Variants in KCNIP1 observed in about 807,000 individuals in gnomAD.
KCNIP1 encodes potassium voltage-gated channel interacting protein 1.
Under a neutral mutation model 33.0 loss-of-function variants are expected in KCNIP1, and 18 were observed. The ratio of observed to expected loss-of-function variants is 0.55; its 90% CI spans 0.38 to 0.81. The LOEUF is 0.81. KCNIP1 is among the 30% of genes least tolerant of loss of function. The pLI is 0.00. For missense variants in KCNIP1, 238 were observed against 271.6 expected, an observed-to-expected ratio of 0.88 and a Z score of 0.87; for synonymous variants, 93 against 98.3, an observed-to-expected ratio of 0.95 and a Z score of 0.32.
intron 1 of KCNIP1, among the ~76,000 whole-genome samples, chr5:170,542,193 A>G (rs1483038651): frequency 1.3e-5 from 2 of 152,194 alleles, no homozygotes; most frequent in Admixed American, 6.5e-5. Context: ...CTAAGCACCT[A>G]CTATGTGGCA....
At chr5:170,435,353 A>G (rs577330022) in intron 1 of KCNIP1, among the ~76,000 whole-genome samples, 11 of 152,332 alleles carry the variant, frequency 7.2e-5, no homozygotes, top group African/African-American at 2.4e-4. Flanking sequence ...CTCTGTTAGC[A>G]TATTTCAGAG....
intron 3 of KCNIP1, among the ~76,000 whole-genome samples, chr5:170,721,579 CAT>C (rs1158825782): frequency 2.6e-5 from 4 of 152,154 alleles, no homozygotes; most frequent in Non-Finnish European, 5.9e-5. Context: ...CGACTCCATG[CAT>C]AGACAGGCAG....
intron 1 of KCNIP1, among the ~76,000 whole-genome samples, chr5:170,617,345 G>C (rs1759421361): frequency 1.3e-5 from 2 of 152,024 alleles, no homozygotes; most frequent in Non-Finnish European, 2.9e-5. Flanking sequence ...ATCTCTTTGA[G>C]CCGGCAGGTT....
At chr5:170,637,762 T>G (rs1760348107) in intron 1 of KCNIP1, among the ~76,000 whole-genome samples, 2 of 152,236 alleles carry the variant, frequency 1.3e-5, no homozygotes, top group Admixed American at 1.3e-4. Context: ...ACAGACTCTG[T>G]GGGGCCTTGG....
chr5:170,719,017 C>T, intron 2 of KCNIP1, 135 bp downstream of exon 2: 1 of 1,148,202 alleles, frequency 8.7e-7, no homozygotes, highest in Non-Finnish European at 1.2e-6. Context: ...ATAAAGGGGG[C>T]ATGAGAGGGA....
chr5:170,512,397 T>C (rs1754968197), intron 1 of KCNIP1, among the ~76,000 whole-genome samples: 1 of 152,218 alleles, frequency 6.6e-6, no homozygotes, highest in Non-Finnish European at 1.5e-5. Context: ...ATCTCCTTTC[T>C]CTCCTTAGCC....
At chr5:170,633,854 G>T (rs1232257763) in intron 1 of KCNIP1, among the ~76,000 whole-genome samples, 2 of 151,962 alleles carry the variant, frequency 1.3e-5, no homozygotes, top group East Asian at 3.9e-4. Context: ...GAGAGCTTGG[G>T]GCAGAAACAA....
At chr5:170,677,220 G>A (rs1194300487) in intron 1 of KCNIP1, among the ~76,000 whole-genome samples, 1 of 152,118 alleles carries the variant, frequency 6.6e-6, no homozygotes, top group Non-Finnish European at 1.5e-5. Context: ...TGTTTTACAG[G>A]TGAGAAAACT....
chr5:170,553,593 G>A (rs995270027), intron 1 of KCNIP1, among the ~76,000 whole-genome samples: 4 of 152,202 alleles, frequency 2.6e-5, no homozygotes, highest in African/African-American at 7.2e-5. Context: ...TCTCTTGTAC[G>A]CCCAGAGGTG....
At chr5:170,669,562 T>C in intron 1 of KCNIP1, 6 of 985,404 alleles carry the variant, frequency 6.1e-6, no homozygotes, top group Non-Finnish European at 7.2e-6. Context: ...GTAGCAGGCT[T>C]CCAGCAGCAG....
intron 1 of KCNIP1, among the ~76,000 whole-genome samples, chr5:170,372,696 C>T (rs1763878296): frequency 6.6e-6 from 1 of 152,202 alleles, no homozygotes; most frequent in Non-Finnish European, 1.5e-5. Flanking sequence ...ACTAGATGAT[C>T]TCTAAAGTCT....
At chr5:170,511,951 CT>C (rs1489348592) in intron 1 of KCNIP1, among the ~76,000 whole-genome samples, 3 of 152,162 alleles carry the variant, frequency 2.0e-5, no homozygotes, top group African/African-American at 7.2e-5. Context: ...ACTGAAGCAC[CT>C]CATTAGCCAC....
chr5:170,626,100 G>T (rs1007935233), intron 1 of KCNIP1, among the ~76,000 whole-genome samples: 1 of 152,214 alleles, frequency 6.6e-6, no homozygotes, highest in Non-Finnish European at 1.5e-5. Context: ...GAGTTTGGAA[G>T]GTGCTGGAAG....
intron 1 of KCNIP1, among the ~76,000 whole-genome samples, chr5:170,672,724 A>G (rs186322549): frequency 3.3e-5 from 5 of 152,376 alleles, no homozygotes; most frequent in Admixed American, 2.0e-4. Flanking sequence ...GCCTCTGAAG[A>G]CAAATGTCTT....
chr5:170,441,588 G>A (rs1049091448), intron 1 of KCNIP1, among the ~76,000 whole-genome samples: 13 of 152,156 alleles, frequency 8.5e-5, no homozygotes, highest in Admixed American at 7.9e-4. Context: ...TGCAGCCCTA[G>A]AGCCCACTGC....
chr5:170,576,219 A>G (rs1314916473), intron 1 of KCNIP1, among the ~76,000 whole-genome samples: 1 of 152,216 alleles, frequency 6.6e-6, no homozygotes, highest in East Asian at 1.9e-4. Flanking sequence ...AGCATGGCTC[A>G]TCTCTACAAA....
At chr5:170,732,665 A>G in intron 5 of KCNIP1, 135 bp from the exon 6 acceptor site, 1 of 604,184 alleles carries the variant, frequency 1.7e-6, no homozygotes, top group Admixed American at 2.6e-5. Context: ...CTAACTCCCT[A>G]TCACCTGCTA....
intron 1 of KCNIP1, among the ~76,000 whole-genome samples, chr5:170,604,432 GA>G (rs973952571): frequency 6.6e-6 from 1 of 152,256 alleles, no homozygotes; most frequent in African/African-American, 2.4e-5. Context: ...CAGAAGAAAG[GA>G]ACAGCAGATG....
At chr5:170,669,713 T>C in intron 1 of KCNIP1, 5 of 896,678 alleles carry the variant, frequency 5.6e-6, no homozygotes, top group Non-Finnish European at 6.7e-6. Flanking sequence ...AATGCCATTT[T>C]ATTTTAGGTC....
Sources: gnomAD v4.1 joint callset for allele counts (sites outside exome capture counted in the v4.1 genomes callset) on GRCh38, gnomAD v4.1.1 for gene constraint, MANE v1.5 for transcripts, NCBI Gene and HGNC (gene_info 2026-07-23, HGNC 2026-07-21) for gene names.